BEND2: variants seen among roughly 807,000 people sequenced by gnomAD.
BEND2 encodes BEN domain-containing protein 2.
BEND2 carries 19 observed loss-of-function variants against 43.8 expected under a neutral mutation model. The observed-to-expected ratio is 0.43, with a 90% CI of 0.30 to 0.64. BEND2 has a LOEUF of 0.64. Among genes scored for constraint, BEND2 ranks in the 30% least tolerant of loss-of-function variants. The pLI is 0.11. For synonymous variants in BEND2, 226 were observed against 210.1 expected, an observed-to-expected ratio of 1.08 and a Z score of -0.66; for missense variants, 544 against 574.0, an observed-to-expected ratio of 0.95 and a Z score of 0.53.
At chrX:18,195,569 T>C (rs1924915928) in intron 6 of BEND2, 127 bp from the exon 7 acceptor site, 4 of 670,114 alleles carry the variant, frequency 6.0e-6, no homozygotes, top group Admixed American at 3.9e-5. Context: ...AGCCGACTTA[T>C]CCATATAAAA....
chrX:18,176,145 T>A, intron 10 of BEND2, 52 bp from the exon 11 acceptor site: 1 of 1,129,029 alleles, frequency 8.9e-7, no homozygotes, highest in Non-Finnish European at 1.2e-6. Context: ...ATTAACAAAC[T>A]AATGAAAAAT....
At chrX:18,193,752 C>T (rs759573737) in intron 7 of BEND2, among the ~76,000 whole-genome samples, 4 of 111,784 alleles carry the variant, frequency 3.6e-5, no homozygotes, top group African/African-American at 9.7e-5. Context: ...TGTATCATTT[C>T]AAACTCACCA....
Position 18,203,603 on chromosome X carries a change from G to C in BEND2, c.805C>G (p.Leu269Val). 2 of 1,210,942 alleles carry C rather than the reference G, an allele frequency of 1.7e-6. No homozygotes were observed. Among genetic ancestry groups the C allele is most frequent in the Non-Finnish European group, 2.2e-6 (2 of 894,732 alleles). Residue 269 changes from leucine (L) to valine (V), a missense_variant, in exon 5 of 14, where the codon CTG becomes GTG. Physicochemically the swap from Leu to Val is conservative, Grantham distance 32. Around this residue, in one of 2 missense-constraint regions of BEND2, gnomAD observed 501 missense variants for 501.6 expected, o/e 1.00. Transcript: ENST00000380033. ...TTCACCACACCAGGGTTATTTGCCA[G>C]ACTGGATTCTCTTCGTGACAGAACT... ...MAVLSRRESS[L>V]ANNPGVVNYS...
chrX:18,206,905 G>C (rs750194342), intron 4 of BEND2, among the ~76,000 whole-genome samples: 1 of 111,745 alleles, frequency 8.9e-6, no homozygotes, highest in African/African-American at 3.2e-5. Context: ...AAGCTGCAGC[G>C]CCACCCCTGT....
At chrX:18,166,082 C>T (rs953927510) in intron 13 of BEND2, among the ~76,000 whole-genome samples, 5 of 112,128 alleles carry the variant, frequency 4.5e-5, no homozygotes, top group East Asian at 2.8e-4. Flanking sequence ...AATGGATCAG[C>T]GGTAGCCTGG....
intron 6 of BEND2, among the ~76,000 whole-genome samples, chrX:18,200,737 G>A (rs1244611877): frequency 1.8e-5 from 2 of 111,500 alleles, no homozygotes; most frequent in African/African-American, 6.5e-5. Context: ...GATGACATGA[G>A]GAAAGTGAAT....
chrX:18,210,488 T>C (rs926738929), intron 4 of BEND2, among the ~76,000 whole-genome samples: 3 of 112,227 alleles, frequency 2.7e-5, no homozygotes, highest in African/African-American at 9.7e-5. Flanking sequence ...CAGGAAAAGA[T>C]ATATTTGCAG....
chrX:18,214,156 G>A (rs1000345371), intron 2 of BEND2, among the ~76,000 whole-genome samples: 9 of 110,807 alleles, frequency 8.1e-5, no homozygotes, highest in Admixed American at 4.8e-4. Context: ...GTGGTGGCAC[G>A]TGCCTATAGT....
chrX:18,177,233 C>G (rs1924198063), intron 10 of BEND2, among the ~76,000 whole-genome samples: 1 of 60,824 alleles, frequency 1.6e-5, no homozygotes, highest in Non-Finnish European at 2.9e-5. Flanking sequence ...CCCACCCCAC[C>G]ACCTTCTGGC....
intron 9 of BEND2, among the ~76,000 whole-genome samples, chrX:18,178,947 T>C (rs1210692290): frequency 9.2e-6 from 1 of 108,926 alleles, no homozygotes; most frequent in Non-Finnish European, 1.9e-5. Context: ...TCATCATTTA[T>C]TTTTGTTTGT....
chrX:18,203,437 T>C, intron 5 of BEND2, 64 bp downstream of exon 5: 1 of 1,070,742 alleles, frequency 9.3e-7, no homozygotes, highest in Non-Finnish European at 1.3e-6. Flanking sequence ...CTAATTTGCA[T>C]GAAGGGTGTT....
intron 8 of BEND2, among the ~76,000 whole-genome samples, chrX:18,190,764 T>TCACACA (rs778233998): frequency 2.6e-4 from 23 of 88,829 alleles, no homozygotes; most frequent in Middle Eastern, 5.7e-3. Context: ...TCTCTCTCTC[T>TCACACA]CTCACACACA....
intron 7 of BEND2, among the ~76,000 whole-genome samples, chrX:18,193,809 G>A (rs952411005): frequency 1.8e-5 from 2 of 111,267 alleles, no homozygotes; most frequent in Non-Finnish European, 3.8e-5. Context: ...CCTTGGCTAC[G>A]GCCCCTTCCT....
chrX:18,220,604 G>A lies in BEND2; in HGVS notation c.25+122C>T, dbSNP rs1483566769. ...ATACCCAGAGGCCGCCCCCCGACAC[G>A]CCCCGGTCAATGACTAGCCAATCCT... On this transcript the variant is annotated intron_variant, in intron 1 of 13. Transcript: ENST00000380033. 7.9e-6 allele frequency: 8 copies of A among 1,010,242 alleles called. No homozygotes were observed. In the East Asian group the frequency reaches 1.3e-4, roughly 16 times the overall value. 83.3% of individuals were successfully genotyped at this position (1,010,242 alleles called of 1,213,427 possible).
At chrX:18,216,982 G>A (rs1187786126) in intron 1 of BEND2, among the ~76,000 whole-genome samples, 4 of 112,195 alleles carry the variant, frequency 3.6e-5, no homozygotes, top group African/African-American at 6.5e-5. Flanking sequence ...TTCCAATTTC[G>A]TAGAGCAATA....
At chrX:18,193,990 A>G (rs1484113616) in intron 7 of BEND2, among the ~76,000 whole-genome samples, 1 of 112,151 alleles carries the variant, frequency 8.9e-6, no homozygotes, top group Non-Finnish European at 1.9e-5. Context: ...ACATCCTCAC[A>G]AAATGGAAAA....
chrX:18,197,207 G>A (rs1924983076), intron 6 of BEND2, among the ~76,000 whole-genome samples: 1 of 111,829 alleles, frequency 8.9e-6, no homozygotes, highest in Non-Finnish European at 1.9e-5. Context: ...GGCCAAGGAG[G>A]GTAGATCACC....
intron 1 of BEND2, among the ~76,000 whole-genome samples, chrX:18,217,781 A>G (rs1302151389): frequency 1.8e-5 from 2 of 111,644 alleles, no homozygotes; most frequent in East Asian, 5.6e-4. Context: ...TATATTGCCA[A>G]TAAGAAGTGT....
intron 6 of BEND2, among the ~76,000 whole-genome samples, chrX:18,199,974 A>AGTTT (rs747710524): frequency 2.1e-4 from 23 of 112,156 alleles, no homozygotes; most frequent in African/African-American, 7.1e-4. Flanking sequence ...ACTATTTGGC[A>AGTTT]GTTTCTTATA....
Sources: gnomAD v4.1 joint callset for allele counts (sites outside exome capture counted in the v4.1 genomes callset) on GRCh38, gnomAD v4.1.1 for gene constraint, gnomAD v4.1.1 regional missense constraint, MANE v1.5 for transcripts, NCBI Gene and HGNC (gene_info 2026-07-23, HGNC 2026-07-21) for gene names.